The following KCMF1 variants were observed in gnomAD, a reference collection of about 807,000 sequenced individuals.
KCMF1 encodes potassium channel modulatory factor 1.
A neutral mutation model predicts 41.1 loss-of-function variants in KCMF1; 3 were observed. The observed-to-expected ratio is 0.07, with a 90% confidence interval of 0.03 to 0.19. KCMF1 has a LOEUF of 0.19. KCMF1 is among the 10% of genes least tolerant of loss of function. The pLI is 1.00. For synonymous variants in KCMF1, 142 were observed against 164.5 expected (o/e 0.86, Z 1.04); for missense variants, 286 against 488.9 (o/e 0.58, Z 3.91).
chr2:84,998,430 C>T (rs1366133291), intron 1 of KCMF1, among the ~76,000 whole-genome samples: 1 of 152,108 alleles, frequency 6.6e-6, no homozygotes, highest in African/African-American at 2.4e-5. Flanking sequence ...AAAACACATA[C>T]ATAATGGAAA....
At chr2:84,990,653 A>T (rs201333662) in intron 1 of KCMF1, among the ~76,000 whole-genome samples, 18 of 107,376 alleles carry the variant, frequency 1.7e-4, no homozygotes, top group African/African-American at 5.4e-4. Flanking sequence ...TGTTTTAATT[A>T]AAAAAAAAAA....
At chr2:84,990,793 A>G (rs1674023299) in intron 1 of KCMF1, among the ~76,000 whole-genome samples, 1 of 152,174 alleles carries the variant, frequency 6.6e-6, no homozygotes, top group Non-Finnish European at 1.5e-5. Context: ...CCTGAGTTGG[A>G]ACACGGTAGG....
chr2:84,998,533 A>C (rs1480586367), intron 1 of KCMF1, among the ~76,000 whole-genome samples: 1 of 152,198 alleles, frequency 6.6e-6, no homozygotes, highest in African/African-American at 2.4e-5. Context: ...AAGATCCACT[A>C]AATTAATAAT....
chr2:84,980,641 CT>C (rs367965209), intron 1 of KCMF1, among the ~76,000 whole-genome samples: 325 of 143,554 alleles, frequency 2.3e-3, no homozygotes, highest in African/African-American at 2.2e-3. Context: ...AGCCTCATAT[CT>C]TTTTTTTTTT....
At chr2:84,974,451 C>T (rs112251416) in intron 1 of KCMF1, among the ~76,000 whole-genome samples, 2,759 of 151,526 alleles carry the variant, frequency 0.018, 68 homozygotes, top group African/African-American at 0.063. Flanking sequence ...TGAAGCAGTG[C>T]CTCTGAGAAA....
chr2:84,981,976 T>C (rs1673767887), intron 1 of KCMF1, among the ~76,000 whole-genome samples: 1 of 151,904 alleles, frequency 6.6e-6, no homozygotes, highest in Non-Finnish European at 1.5e-5. Flanking sequence ...AGAGACAGAG[T>C]TTCACCATGT....
chr2:84,984,857 AT>A (rs1191222167), intron 1 of KCMF1, among the ~76,000 whole-genome samples: 1 of 152,070 alleles, frequency 6.6e-6, no homozygotes, highest in Non-Finnish European at 1.5e-5. Flanking sequence ...AACTTCTATT[AT>A]TTATTTATTT....
At chr2:85,046,432 C>G (rs1329646970) in intron 5 of KCMF1, among the ~76,000 whole-genome samples, 154 bp downstream of exon 5, 2 of 152,208 alleles carry the variant, frequency 1.3e-5, no homozygotes, top group East Asian at 1.9e-4. Flanking sequence ...GAATTCAAGA[C>G]CAGCCTGGCC....
chr2:85,024,630 AAGAT>A (rs913248962), intron 1 of KCMF1, among the ~76,000 whole-genome samples: 2 of 137,748 alleles, frequency 1.5e-5, no homozygotes, highest in African/African-American at 5.4e-5. Context: ...GAGAAAGAGA[AAGAT>A]TTAAGAAATT....
chr2:85,004,836 T>C (rs746853301), intron 1 of KCMF1, among the ~76,000 whole-genome samples: 23 of 152,088 alleles, frequency 1.5e-4, no homozygotes, highest in Admixed American at 3.3e-4. Context: ...TATTTATTTA[T>C]TTATTTATTT....
At chr2:85,030,071 T>C (rs1477644631) in intron 2 of KCMF1, among the ~76,000 whole-genome samples, 1 of 152,164 alleles carries the variant, frequency 6.6e-6, no homozygotes, top group Non-Finnish European at 1.5e-5. Flanking sequence ...TCAGGTGGTT[T>C]TGATTTATAT....
rs759552848 is a variant in KCMF1 at position 84,971,419 on chromosome 2, G to C, written c.-33G>C. 4 of 1,204,334 alleles carry C rather than the reference G, an allele frequency of 3.3e-6. No homozygotes were observed. In the Admixed American group the frequency reaches 1.0e-4, roughly 30 times the overall value. 74.6% of individuals were successfully genotyped at this position (1,204,334 alleles called of 1,614,324 possible). A position where few individuals can be genotyped will look rare whatever the true frequency, so the allele number is the denominator to read the frequency against. ...GCGGGGGACACTGCAGCCGGAGCCC[G>C]GGAGGGGCCGCGCCGCCACCGTCTG... On this transcript the variant is annotated 5_prime_UTR_variant, in exon 1 of 7. Transcript: ENST00000409785.
At chr2:85,036,635 T>C (rs1418809546) in intron 3 of KCMF1, among the ~76,000 whole-genome samples, 1 of 151,770 alleles carries the variant, frequency 6.6e-6, no homozygotes, top group Non-Finnish European at 1.5e-5. Context: ...CTCCACAAAA[T>C]TTAAAAATTA....
intron 1 of KCMF1, among the ~76,000 whole-genome samples, chr2:84,991,631 G>T (rs1034044056): frequency 6.6e-6 from 1 of 152,118 alleles, no homozygotes; most frequent in African/African-American, 2.4e-5. Context: ...ATCACACTGT[G>T]GGAAATAGGC....
chr2:85,009,208 G>T (rs1281008968), intron 1 of KCMF1, among the ~76,000 whole-genome samples: 3 of 152,068 alleles, frequency 2.0e-5, no homozygotes, highest in Non-Finnish European at 4.4e-5. Flanking sequence ...GAAAGTGTGT[G>T]GCACTTCCCC....
At chr2:84,973,232 C>G (rs79004748) in intron 1 of KCMF1, among the ~76,000 whole-genome samples, 1 of 152,142 alleles carries the variant, frequency 6.6e-6, no homozygotes, top group Non-Finnish European at 1.5e-5. Context: ...CAGATAGTTC[C>G]AGACGAGCAT....
chr2:84,981,442 G>A (rs1406903400), intron 1 of KCMF1, among the ~76,000 whole-genome samples: 1 of 152,058 alleles, frequency 6.6e-6, no homozygotes, highest in Non-Finnish European at 1.5e-5. Context: ...ACCCACCTCG[G>A]CCTCCCAAAG....
chr2:85,014,999 C>G (rs1169534339), intron 1 of KCMF1, among the ~76,000 whole-genome samples: 1 of 151,766 alleles, frequency 6.6e-6, no homozygotes, highest in African/African-American at 2.4e-5. Flanking sequence ...CTGTAGAAAA[C>G]AAGTACTTGT....
intron 1 of KCMF1, among the ~76,000 whole-genome samples, chr2:84,994,988 C>T (rs1271850259): frequency 6.6e-6 from 1 of 151,804 alleles, no homozygotes; most frequent in Non-Finnish European, 1.5e-5. Context: ...TTAAGTGGTG[C>T]TCAGTTCTAG....
Sources: allele counts gnomAD v4.1 joint callset (sites outside exome capture counted in the v4.1 genomes callset), GRCh38; gene constraint gnomAD v4.1.1; transcripts MANE v1.5; gene names NCBI Gene and HGNC (gene_info 2026-07-23, HGNC 2026-07-21).